Variants in VCAN observed in about 807,000 individuals in gnomAD.
The protein encoded by VCAN is versican core protein.
In VCAN, 44 loss-of-function variants were observed where a neutral mutation model predicts 245.5. The ratio of observed to expected loss-of-function variants is 0.18; its 90% CI spans 0.14 to 0.23. The LOEUF (loss-of-function observed/expected upper bound fraction) is 0.23. VCAN is among the 10% of genes least tolerant of loss of function. VCAN has a pLI of 1.00. For missense variants in VCAN, 3,793 were observed against 4,057.9 expected (o/e 0.93, Z 1.77); for synonymous variants, 1,413 against 1,437.0 (o/e 0.98, Z 0.38).
chr5:83,530,050 T>C (rs1385655887), intron 7 of VCAN, among the ~76,000 whole-genome samples: 1 of 152,076 alleles, frequency 6.6e-6, no homozygotes, highest in Non-Finnish European at 1.5e-5. Flanking sequence ...GAACCCGACA[T>C]AGGTTGTGTT....
chr5:83,570,761 A>G (rs1445036826), intron 12 of VCAN, among the ~76,000 whole-genome samples: 1 of 152,106 alleles, frequency 6.6e-6, no homozygotes, highest in Non-Finnish European at 1.5e-5. Context: ...ATATATTTTA[A>G]AAGACTTAAA....
rs770216594 is a variant in VCAN at position 83,538,582 on chromosome 5, T to C, written c.5579T>C (p.Ile1860Thr). ...TTTTCATTAAACGTAGAGTATGCAATTCAAGCCGAAAAGGAAGTAGCTGGC... is the reference window on the plus strand; with the variant it reads ...TTTTCATTAAACGTAGAGTATGCAACTCAAGCCGAAAAGGAAGTAGCTGGC... ...SSFSLNVEYAIQAEKEVAGTL... is the reference protein window; with the variant it reads ...SSFSLNVEYATQAEKEVAGTL... The change falls in exon 8 of 15, where the codon ATT becomes ACT. Residue 1860 changes from isoleucine to threonine, a missense_variant. This residue lies in a region of VCAN where 3,182 missense variants were observed against 3,250.3 expected (regional missense o/e 0.98). Transcript: ENST00000265077. 7.4e-6 allele frequency: 12 copies of C among 1,614,002 alleles called. No homozygotes were observed. Among genetic ancestry groups the C allele is most frequent in the Non-Finnish European group, 1.0e-5 (12 of 1,179,954 alleles).
chr5:83,475,821 A>G (rs903298018), intron 1 of VCAN, among the ~76,000 whole-genome samples: 3 of 152,206 alleles, frequency 2.0e-5, no homozygotes, highest in African/African-American at 7.2e-5. Context: ...GAGATTCAAG[A>G]CAATCATTTA....
Position 83,490,482 on chromosome 5 carries a change from T to G in VCAN, c.445+10T>G. ...TCACTGACTGTGGATGGTAAGGCTTTTATTATCTGCAAGAAGGTAGTATAA... is the reference window on the plus strand; with the variant it reads ...TCACTGACTGTGGATGGTAAGGCTTGTATTATCTGCAAGAAGGTAGTATAA... On this transcript the variant is annotated intron_variant, in intron 3 of 14. Coordinates refer to ENST00000265077, the MANE Select transcript of VCAN (RefSeq NM_004385.5). 1.2e-6 allele frequency: 2 copies of G among 1,613,706 alleles called. No individual in the cohort carries two copies. Among genetic ancestry groups the G allele is most frequent in the Non-Finnish European group, 1.7e-6 (2 of 1,179,964 alleles).
rs754097968 is a variant in VCAN, at chr5:83,519,538, A to C, written c.1232A>C (p.Gln411Pro). 4.3e-6 allele frequency: 7 copies of C among 1,614,158 alleles called. No homozygotes were observed. The highest frequency in any genetic ancestry group is 5.1e-6 in the Non-Finnish European group (6 of 1,179,982). ...AGTTTTGAACAGAAAGCCACAGTCC[A>C]ACCTCAGGCTATCACAGATAGTTTA... ...IVSFEQKATV[Q>P]PQAITDSLAT... Residue 411 changes from glutamine to proline, a missense_variant, in exon 7 of 15, where the codon CAA becomes CCA. Transcript: ENST00000265077.
rs1254014378 is a variant in VCAN, at chr5:83,490,284, C to T, written c.257C>T (p.Ala86Val). The change falls in exon 3 of 15, where the codon GCC becomes GTC. Residue 86 changes from alanine to valine, a missense_variant. Transcript: ENST00000265077. Reference protein sequence around the residue: ...KDLKETTVLVAQNGNIKIGQD... With the variant: ...KDLKETTVLVVQNGNIKIGQD... ...TTGAAAGAGACTACTGTCCTTGTGG[C>T]CCAAAATGGAAATATCAAGATTGGT... is the stretch of plus-strand genomic sequence containing the variant. 6.2e-7 allele frequency: 1 copy of T among 1,614,134 alleles called. No individual in the cohort carries two copies. The highest frequency in any genetic ancestry group is 1.1e-5 in the South Asian group (1 of 91,074).
intron 3 of VCAN, among the ~76,000 whole-genome samples, chr5:83,491,473 A>G (rs1744977101): frequency 6.6e-6 from 1 of 152,128 alleles, no homozygotes; most frequent in South Asian, 2.1e-4. Context: ...TTCCTTCTAT[A>G]AATCTATTTT....
chr5:83,552,745 A>G (rs187195209), intron 10 of VCAN, among the ~76,000 whole-genome samples: 1 of 152,276 alleles, frequency 6.6e-6, no homozygotes, highest in Non-Finnish European at 1.5e-5. Flanking sequence ...TAAAATCTTG[A>G]TGCATTTTCA....
At chr5:83,486,140 G>A (rs10042232) in intron 2 of VCAN, among the ~76,000 whole-genome samples, 106,100 of 151,794 alleles carry the variant, frequency 0.7, 37,935 homozygotes, top group African/African-American at 0.86. Context: ...CTCAATAACT[G>A]GTAAATAAAT....
At position 83,490,087 on chromosome 5, in the gene VCAN, C is replaced by T. The variant is rs747677544; in HGVS notation, c.71-11C>T. On this transcript the variant is annotated splice_polypyrimidine_tract_variant and intron_variant, in intron 2 of 14. Coordinates refer to ENST00000265077, the MANE Select transcript of VCAN (RefSeq NM_004385.5). ...TAAGATTGTTAATTTGTTATTTTCT[C>T]TTTCCTCTAGTCAAAGTGGGAAAAA... 1 of 1,613,464 alleles carries T rather than the reference C, an allele frequency of 6.2e-7. No individual in the cohort carries two copies. The highest frequency in any genetic ancestry group is 1.7e-5 in the Admixed American group (1 of 60,006).
intron 2 of VCAN, among the ~76,000 whole-genome samples, chr5:83,489,551 G>T (rs531500133): frequency 6.6e-6 from 1 of 152,298 alleles, no homozygotes; most frequent in Non-Finnish European, 1.5e-5. Flanking sequence ...GGACCAAAGT[G>T]CATCCTTCAA....
intron 11 of VCAN, 65 bp downstream of exon 11, chr5:83,553,587 G>C (rs1747555238): frequency 6.2e-7 from 1 of 1,604,814 alleles, no homozygotes; most frequent in African/African-American, 1.3e-5. Context: ...AGTTTTGTCT[G>C]TGTGCAAGTG....
intron 13 of VCAN, among the ~76,000 whole-genome samples, chr5:83,579,226 T>C (rs1021610432): frequency 6.7e-6 from 1 of 149,462 alleles, no homozygotes; most frequent in Non-Finnish European, 1.5e-5. Context: ...TTGTAGATTG[T>C]AAGGTTTTTT....
chr5:83,528,376 C>A (rs569543260), intron 7 of VCAN, among the ~76,000 whole-genome samples: 2 of 152,168 alleles, frequency 1.3e-5, no homozygotes, highest in South Asian at 2.1e-4. Context: ...GGTTAAGGAG[C>A]CCCAAGTATA....
intron 5 of VCAN, among the ~76,000 whole-genome samples, chr5:83,511,576 T>A (rs75434253): frequency 0.02 from 3,068 of 152,038 alleles, 35 homozygotes; most frequent in Middle Eastern, 0.054. Context: ...TCTTATTTTT[T>A]TTTTTTTTTA....
chr5:83,560,734 G>A (rs1420839743), intron 12 of VCAN, among the ~76,000 whole-genome samples: 1 of 152,100 alleles, frequency 6.6e-6, no homozygotes, highest in Non-Finnish European at 1.5e-5. Context: ...AAATCAAATT[G>A]TGGAGCTCAG....
intron 12 of VCAN, among the ~76,000 whole-genome samples, chr5:83,560,204 G>A (rs1747815202): frequency 6.6e-6 from 1 of 152,068 alleles, no homozygotes; most frequent in African/African-American, 2.4e-5. Context: ...TGCCACCCCT[G>A]CAGGTTTGAG....
chr5:83,511,033 G>A (rs1745635939), intron 5 of VCAN, among the ~76,000 whole-genome samples: 1 of 151,898 alleles, frequency 6.6e-6, no homozygotes, highest in Non-Finnish European at 1.5e-5. Context: ...AGAATCGCTT[G>A]AACCCGGGAG....
chr5:83,517,673 T>A (rs1303309572), intron 6 of VCAN, among the ~76,000 whole-genome samples: 1 of 152,184 alleles, frequency 6.6e-6, no homozygotes, highest in Non-Finnish European at 1.5e-5. Flanking sequence ...AGGAAATGAA[T>A]GTAGAAAAAG....
Sources: allele counts gnomAD v4.1 joint callset (sites outside exome capture counted in the v4.1 genomes callset), GRCh38; gene constraint gnomAD v4.1.1; regional missense constraint gnomAD v4.1.1; transcripts MANE v1.5; gene names NCBI Gene and HGNC (gene_info 2026-07-23, HGNC 2026-07-21).